TECPR2: variants seen among roughly 807,000 people sequenced by gnomAD.
The protein encoded by TECPR2 is tectonin beta-propeller repeat containing 2.
In TECPR2, 65 loss-of-function variants were observed where a neutral mutation model predicts 138.1. The ratio of observed to expected loss-of-function variants is 0.47; its 90% CI spans 0.39 to 0.58. TECPR2 has a LOEUF of 0.58. Ranked by LOEUF, TECPR2 falls within the 20% of genes least tolerant of loss-of-function variation. The probability of loss-of-function intolerance (pLI) is 0.00; values close to 1 mark genes in which losing one functional copy is unlikely to be tolerated. For missense variants in TECPR2, 1,553 were observed against 1,824.5 expected (o/e 0.85, Z 2.71); for synonymous variants, 746 against 749.8 (o/e 0.99, Z 0.08).
chr14:102,380,816 C>G (rs1176572161), intron 2 of TECPR2, among the ~76,000 whole-genome samples: 1 of 151,670 alleles, frequency 6.6e-6, no homozygotes, highest in Non-Finnish European at 1.5e-5. Context: ...GTAGCTGGGA[C>G]TACAGGTGCC....
Position 102,497,700 on chromosome 14 carries a change from C to T in TECPR2, c.4062C>T (p.Gly1354=). The T allele has an allele frequency of 6.2e-7, 1 of 1,607,344 alleles. No homozygotes were observed. The highest frequency in any genetic ancestry group is 1.3e-5 in the African/African-American group (1 of 74,978). Residue 1354 remains glycine, a synonymous_variant, in exon 19 of 20, where the codon GGC becomes GGT. Transcript: ENST00000359520. ...PAGDYWKKIP[G]SVSCFTVTAS... ...GGGACTACTGGAAGAAAATTCCCGGCAGCGTGTCGTGTTTCACAGGCAGGT... is the reference window on the plus strand; with the variant it reads ...GGGACTACTGGAAGAAAATTCCCGGTAGCGTGTCGTGTTTCACAGGCAGGT...
intron 2 of TECPR2, among the ~76,000 whole-genome samples, chr14:102,383,373 G>A (rs1249870497): frequency 6.6e-6 from 1 of 151,682 alleles, no homozygotes; most frequent in South Asian, 2.1e-4. Context: ...AAGCACATGT[G>A]TCTCATTGAT....
At chr14:102,490,712 C>G (rs1366147380) in intron 17 of TECPR2, among the ~76,000 whole-genome samples, 1 of 152,204 alleles carries the variant, frequency 6.6e-6, no homozygotes, top group Non-Finnish European at 1.5e-5. Context: ...GCCATGGGCT[C>G]CTCCTCCAAA....
In TECPR2 at chr14:102,388,379, T is replaced by G. The variant is rs10134162; in HGVS notation, c.219+11439T>G. Among the ~76,000 whole-genome samples the G allele has an allele frequency of 3.6e-3, 553 of 151,544 alleles. 6 individuals are homozygous for G. The highest frequency in any genetic ancestry group is 0.013 in the African/African-American group (542 of 41,362). On this transcript the variant is annotated intron_variant, in intron 2 of 19. Transcript: ENST00000359520. ...CTGAGTTCAACTGAATTCCAATAGG[T>G]TTTTTTTTAGTGTTAATTTAAAAAA...
In TECPR2 at chr14:102,498,471, C is replaced by T. The variant is rs757979261; in HGVS notation, c.*214C>T. ...GCTGGCGTGATTGCTGCAGCAGTGG[C>T]GCCTCCTAGCTCAGGACAGTGGCGA... On this transcript the variant is annotated 3_prime_UTR_variant, in exon 20 of 20. Coordinates refer to ENST00000359520, the MANE Select transcript of TECPR2 (RefSeq NM_014844.5). The T allele has an allele frequency of 3.3e-5, 21 of 640,292 alleles. No homozygotes were observed. Among genetic ancestry groups the T allele is most frequent in the Non-Finnish European group, 5.0e-5 (19 of 377,556 alleles). 39.7% of individuals were successfully genotyped at this position (640,292 alleles called of 1,614,324 possible).
At position 102,449,876 on chromosome 14, in the gene TECPR2, GA is replaced by G. The variant is rs762494777; in HGVS notation, c.3316+9del. 3 of 1,611,374 alleles carry G rather than the reference GA, an allele frequency of 1.9e-6. No individual in the cohort carries two copies. In the East Asian group the frequency reaches 6.7e-5, roughly 36 times the overall value. ...GCTAAGGGAAGTCTCATAGGTGGGT[GA>G]ATTGCTGTAATTTTCACACTGGCTT... is the stretch of plus-strand genomic sequence containing the variant. On this transcript the variant is annotated splice_region_variant and intron_variant, in intron 14 of 19. Transcript: ENST00000359520.
chr14:102,397,549 C>T (rs1444437833), intron 2 of TECPR2, among the ~76,000 whole-genome samples: 2 of 152,130 alleles, frequency 1.3e-5, no homozygotes, highest in African/African-American at 2.4e-5. Context: ...GAGTTTGAGA[C>T]CAGCCTGGCC....
chr14:102,396,058 G>T (rs1433446888), intron 2 of TECPR2, among the ~76,000 whole-genome samples: 2 of 151,820 alleles, frequency 1.3e-5, no homozygotes, highest in Non-Finnish European at 2.9e-5. Flanking sequence ...TGGTTTTTGA[G>T]CAGGTGTTGG....
At chr14:102,438,797 T>C (rs558378798) in intron 10 of TECPR2, among the ~76,000 whole-genome samples, 1 of 152,218 alleles carries the variant, frequency 6.6e-6, no homozygotes, top group East Asian at 1.9e-4. Flanking sequence ...TGAACGATGT[T>C]CTCCTGAGCT....
intron 17 of TECPR2, 73 bp from the exon 18 acceptor site, chr14:102,496,906 G>T: frequency 1.3e-6 from 2 of 1,576,182 alleles, no homozygotes; most frequent in South Asian, 1.2e-5. Context: ...CATGTCCCCA[G>T]TTCCGGAAGT....
chr14:102,432,647 G>A (rs1313649688), intron 8 of TECPR2, among the ~76,000 whole-genome samples: 24 of 151,854 alleles, frequency 1.6e-4, no homozygotes, highest in African/African-American at 5.1e-4. Context: ...TGCCCGCCTC[G>A]GCCTCCCAAA....
chr14:102,364,091 C>A (rs1887275209), intron 1 of TECPR2, among the ~76,000 whole-genome samples: 1 of 152,188 alleles, frequency 6.6e-6, no homozygotes, highest in Non-Finnish European at 1.5e-5. Flanking sequence ...TGGGTGCATC[C>A]TTTTCTCATC....
At chr14:102,447,491 TGTG>T (rs1381534355) in intron 13 of TECPR2, among the ~76,000 whole-genome samples, 1 of 152,176 alleles carries the variant, frequency 6.6e-6, no homozygotes, top group Non-Finnish European at 1.5e-5. Context: ...AGTCTCCCAC[TGTG>T]GTAGGTAAGA....
chr14:102,481,786 C>T (rs551584989), intron 17 of TECPR2, among the ~76,000 whole-genome samples: 35 of 152,172 alleles, frequency 2.3e-4, no homozygotes, highest in Non-Finnish European at 3.5e-4. Context: ...GGTCCCCTGA[C>T]TTCAGGTGTT....
rs915711721 is a variant in TECPR2 at position 102,408,408 on chromosome 14, G to T, written c.349-80G>T. 2.0e-6 allele frequency: 3 copies of T among 1,473,664 alleles called. No individual in the cohort carries two copies. The South Asian group carries it at 4.2e-5, about 20-fold the overall frequency. 91.3% of individuals were successfully genotyped at this position (1,473,664 alleles called of 1,614,324 possible). ...AGCTCTTCCCTAACTAGGAGTGATT[G>T]TATACCTTTTCCATGTAGCCCCAGC... is the stretch of plus-strand genomic sequence containing the variant. On this transcript the variant is annotated intron_variant, in intron 3 of 19. Transcript: ENST00000359520.
chr14:102,436,318 CT>C (rs558287413), intron 9 of TECPR2, among the ~76,000 whole-genome samples: 186 of 135,472 alleles, frequency 1.4e-3, no homozygotes, highest in Middle Eastern at 3.8e-3. Flanking sequence ...TTCTTTCTTT[CT>C]TTTTTTTTTT....
At chr14:102,401,779 T>C (rs1164129689) in intron 2 of TECPR2, among the ~76,000 whole-genome samples, 4 of 119,074 alleles carry the variant, frequency 3.4e-5, no homozygotes, top group African/African-American at 6.7e-5. Context: ...TACTCCAGCC[T>C]GTGCAAAAGA....
rs145492109 is a variant in TECPR2 at position 102,499,097 on chromosome 14, C to T, written c.*840C>T. The T allele has an allele frequency of 3.6e-3, 2,537 of 702,996 alleles. 50 individuals are homozygous for T. In the African/African-American group the frequency reaches 0.038, roughly 11 times the overall value. 43.5% of individuals were successfully genotyped at this position (702,996 alleles called of 1,614,324 possible). A position where few individuals can be genotyped will look rare whatever the true frequency, so the allele number is the denominator to read the frequency against. On this transcript the variant is annotated 3_prime_UTR_variant, in exon 20 of 20. Transcript: ENST00000359520. ...CGCAGGCTGCCCGCCTCCTGGAGAG[C>T]ACACTTCAGCTGAAACAGTAAAGCC...
chr14:102,438,224 TGCTCCCGCTC>T lies in TECPR2; in HGVS notation c.2578+20_2578+29del. 1 of 867,702 alleles carries T rather than the reference TGCTCCCGCTC, an allele frequency of 1.2e-6. No homozygotes were observed. The allele number at this position is 867,702 out of a possible 1,614,324, so 53.8% of individuals were successfully genotyped here. A position where few individuals can be genotyped will look rare whatever the true frequency, so the allele number is the denominator to read the frequency against. ...CCCTCAGGTTCGCCTCCCCGCTCCC[TGCTCCCGCTC>T]CCTGCTCCCGCTCGCCGCTCCTGCT... On this transcript the variant is annotated intron_variant, in intron 10 of 19. Coordinates refer to ENST00000359520, the MANE Select transcript of TECPR2 (RefSeq NM_014844.5).
Sources: gnomAD v4.1 joint callset for allele counts (sites outside exome capture counted in the v4.1 genomes callset) on GRCh38, gnomAD v4.1.1 for gene constraint, MANE v1.5 for transcripts, NCBI Gene and HGNC (gene_info 2026-07-23, HGNC 2026-07-21) for gene names.